The following BPNT2 variants were observed in gnomAD, a reference collection of about 807,000 sequenced individuals.
The protein encoded by BPNT2 is 3'(2'), 5'-bisphosphate nucleotidase 2.
BPNT2 carries 11 observed loss-of-function variants against 29.3 expected under a neutral mutation model. That is an observed-to-expected ratio of 0.38 (90% CI 0.24 to 0.62). The LOEUF is 0.62. Ranked by LOEUF, BPNT2 falls within the 20% of genes least tolerant of loss-of-function variation. The pLI is 0.62. For synonymous variants in BPNT2, 195 were observed against 187.7 expected, an observed-to-expected ratio of 1.04 and a Z score of -0.32; for missense variants, 459 against 473.4, an observed-to-expected ratio of 0.97 and a Z score of 0.28.
Position 56,993,760 on chromosome 8 carries a change from C to T in BPNT2, c.-175G>A. 1 of 834,614 alleles carries T rather than the reference C, an allele frequency of 1.2e-6. No individual in the cohort carries two copies. The highest frequency in any genetic ancestry group is 1.5e-6 in the Non-Finnish European group (1 of 688,566). 51.7% of individuals were successfully genotyped at this position (834,614 alleles called of 1,614,324 possible). A position where few individuals can be genotyped will look rare whatever the true frequency, so the allele number is the denominator to read the frequency against. ...TCCCAGGAAAGGCCGAGTTGCGCCG[C>T]GAAGACCACCAACGCCGCCCCGCGC... On this transcript the variant is annotated 5_prime_UTR_variant, in exon 1 of 5. Transcript: ENST00000262644.
At position 56,992,963 on chromosome 8, in the gene BPNT2, C is replaced by T. The variant is rs184852569; in HGVS notation, c.387+236G>A. On this transcript the variant is annotated intron_variant, in intron 1 of 4. Transcript: ENST00000262644. ...TTTCAAGGCCTTCTGATCCCAGGTA[C>T]ACACGGCGCACACCCGACCCAGGAC... Among the ~76,000 whole-genome samples the T allele has an allele frequency of 2.0e-5, 3 of 152,308 alleles. No homozygotes were observed. In the East Asian group the frequency reaches 5.8e-4, roughly 29 times the overall value.
intron 4 of BPNT2, 51 bp from the exon 5 acceptor site, chr8:56,964,115 G>A: frequency 7.4e-7 from 1 of 1,357,560 alleles, no homozygotes; most frequent in Non-Finnish European, 1.0e-6. Flanking sequence ...TTTTAAGAAA[G>A]TAGCATACTT....
chr8:56,991,214 T>A (rs1475505110), intron 1 of BPNT2, among the ~76,000 whole-genome samples: 2 of 152,206 alleles, frequency 1.3e-5, no homozygotes, highest in Non-Finnish European at 2.9e-5. Context: ...GTATAAATGA[T>A]CACAAACCTC....
Position 56,963,453 on chromosome 8 carries a change from A to G in BPNT2, c.*340T>C, listed in dbSNP as rs1805877084. On this transcript the variant is annotated 3_prime_UTR_variant, in exon 5 of 5. Transcript: ENST00000262644. ...CTTCAACCGAATTCTATATGAAAGT[A>G]CTAACAGTGAAGATTCATGATGTTG... The G allele has an allele frequency of 4.2e-6, 1 of 238,090 alleles. No homozygotes were observed. Among genetic ancestry groups the G allele is most frequent in the African/African-American group, 2.3e-5 (1 of 44,438 alleles). 14.7% of individuals were successfully genotyped at this position (238,090 alleles called of 1,614,324 possible). A position where few individuals can be genotyped will look rare whatever the true frequency, so the allele number is the denominator to read the frequency against.
intron 4 of BPNT2, among the ~76,000 whole-genome samples, chr8:56,965,384 GAGA>G (rs749949203): frequency 6.6e-6 from 1 of 152,188 alleles, no homozygotes; most frequent in East Asian, 1.9e-4. Flanking sequence ...TATGTGTGCT[GAGA>G]AGGTTTTCCA....
At chr8:56,968,735 T>C (rs901345526) in intron 3 of BPNT2, among the ~76,000 whole-genome samples, 1 of 152,204 alleles carries the variant, frequency 6.6e-6, no homozygotes, top group African/African-American at 2.4e-5. Flanking sequence ...ACTGAGTACA[T>C]GGGAAATTTG....
intron 3 of BPNT2, among the ~76,000 whole-genome samples, chr8:56,968,684 A>T (rs1805987014): frequency 6.6e-6 from 1 of 151,562 alleles, no homozygotes; most frequent in Admixed American, 6.6e-5. Context: ...AACAAAATAA[A>T]AAAATTAGGA....
intron 1 of BPNT2, among the ~76,000 whole-genome samples, chr8:56,987,365 T>TA (rs541436598): frequency 1.3e-5 from 2 of 152,214 alleles, no homozygotes; most frequent in Admixed American, 1.3e-4. Context: ...GTGAACTCAA[T>TA]AAAACAGACT....
At chr8:56,983,126 T>C (rs1425284343) in intron 1 of BPNT2, among the ~76,000 whole-genome samples, 1 of 152,116 alleles carries the variant, frequency 6.6e-6, no homozygotes, top group Non-Finnish European at 1.5e-5. Context: ...ATTAGGGTGG[T>C]GAAAATGTTC....
At position 56,962,215 on chromosome 8, in the gene BPNT2, G is replaced by C. The variant is rs1418083437; in HGVS notation, c.*1578C>G. ...TTCTCGAATTTGACCAGTTGCAAGAGATTGGGTGAAAACATTTGTGTCATA... is the reference window on the plus strand; with the variant it reads ...TTCTCGAATTTGACCAGTTGCAAGACATTGGGTGAAAACATTTGTGTCATA... On this transcript the variant is annotated 3_prime_UTR_variant, in exon 5 of 5. Coordinates refer to ENST00000262644, the MANE Select transcript of BPNT2 (RefSeq NM_017813.5). 7.2e-5 allele frequency: 11 copies of C among 152,210 alleles called. No individual in the cohort carries two copies. 9.4% of individuals were successfully genotyped at this position (152,210 alleles called of 1,614,324 possible).
At chr8:56,983,742 T>G (rs1223415961) in intron 1 of BPNT2, among the ~76,000 whole-genome samples, 7 of 152,148 alleles carry the variant, frequency 4.6e-5, no homozygotes, top group African/African-American at 1.4e-4. Context: ...TCCCCAGTGT[T>G]TTTTGTTGTT....
In BPNT2 at chr8:56,963,673, T is replaced by C. The variant is rs968486208; in HGVS notation, c.*120A>G. 2.7e-6 allele frequency: 3 copies of C among 1,111,734 alleles called. No individual in the cohort carries two copies. The highest frequency in any genetic ancestry group is 1.5e-5 in the African/African-American group (1 of 64,898). 68.9% of individuals were successfully genotyped at this position (1,111,734 alleles called of 1,614,324 possible). On this transcript the variant is annotated 3_prime_UTR_variant, in exon 5 of 5. Coordinates refer to ENST00000262644, the MANE Select transcript of BPNT2 (RefSeq NM_017813.5). ...AAATAAGTCTCTGATGCTTCATAAA[T>C]ACTTTAAAAAGTTCGGGATGGCCTT...
intron 1 of BPNT2, among the ~76,000 whole-genome samples, chr8:56,989,372 TAAAAAAA>T (rs56741190): frequency 7.6e-6 from 1 of 131,216 alleles, no homozygotes; most frequent in Non-Finnish European, 1.6e-5. Context: ...ACACCATCTT[TAAAAAAA>T]AAAAAAAAAA....
In BPNT2 at chr8:56,961,233, G is replaced by GGTAAT. The variant is rs966514462; in HGVS notation, c.*2555_*2559dup. 2.0e-4 allele frequency: 31 copies of GGTAAT among 152,220 alleles called. No individual in the cohort carries two copies. The highest frequency in any genetic ancestry group is 6.7e-4 in the African/African-American group (28 of 41,526). 9.4% of individuals were successfully genotyped at this position (152,220 alleles called of 1,614,324 possible). On this transcript the variant is annotated 3_prime_UTR_variant, in exon 5 of 5. Transcript: ENST00000262644. The stretch of plus-strand genomic sequence containing the variant: ...GAGGTGTGGGTCATTAAAAGCAAAA[G>GGTAAT]GTAATGACTTTGCTACTTTTTAGAA...
chr8:56,974,191 ATGT>A (rs1806089265), intron 3 of BPNT2, among the ~76,000 whole-genome samples: 1 of 152,160 alleles, frequency 6.6e-6, no homozygotes, highest in Admixed American at 6.5e-5. Context: ...TCAGCTATTT[ATGT>A]TGTTAAGATT....
At chr8:56,975,005 C>T (rs1425481383) in intron 3 of BPNT2, among the ~76,000 whole-genome samples, 1 of 152,150 alleles carries the variant, frequency 6.6e-6, no homozygotes, top group Non-Finnish European at 1.5e-5. Flanking sequence ...ATAGCAGGCT[C>T]TGTTTGCAGC....
intron 3 of BPNT2, among the ~76,000 whole-genome samples, chr8:56,974,037 G>A (rs1240312838): frequency 6.6e-6 from 1 of 151,906 alleles, no homozygotes; most frequent in Admixed American, 6.6e-5. Context: ...TGAAGACAAA[G>A]AGGATGAAGA....
At position 56,975,815 on chromosome 8, in the gene BPNT2, TA is replaced by T. The variant is rs899855256; in HGVS notation, c.646+2234del. Among the ~76,000 whole-genome samples the T allele has an allele frequency of 1.8e-3, 280 of 152,288 alleles. 2 individuals are homozygous for T. Among genetic ancestry groups the T allele is most frequent in the African/African-American group, 6.4e-3 (268 of 41,562 alleles). On this transcript the variant is annotated intron_variant, in intron 3 of 4. Coordinates refer to ENST00000262644, the MANE Select transcript of BPNT2 (RefSeq NM_017813.5). Reference sequence around the variant, plus strand: ...GAAAGTGGTGTGACACTGATTTGAATAAAATTTCTATGGTTGATTCTACCAC... The same window carrying T: ...GAAAGTGGTGTGACACTGATTTGAATAAATTTCTATGGTTGATTCTACCAC...
chr8:56,970,107 A>G (rs906241234), intron 3 of BPNT2, among the ~76,000 whole-genome samples: 5 of 152,210 alleles, frequency 3.3e-5, no homozygotes, highest in Non-Finnish European at 5.9e-5. Context: ...ACTATTATGC[A>G]AAAGGTTTAA....
Sources: gnomAD v4.1 joint callset for allele counts (sites outside exome capture counted in the v4.1 genomes callset) on GRCh38, gnomAD v4.1.1 for gene constraint, MANE v1.5 for transcripts, NCBI Gene and HGNC (gene_info 2026-07-23, HGNC 2026-07-21) for gene names.